The following PADI2 variants were observed in gnomAD, a reference collection of about 807,000 sequenced individuals.
The protein encoded by PADI2 is protein-arginine deiminase type-2.
In PADI2, 70 loss-of-function variants were observed where a neutral mutation model predicts 81.1. The observed-to-expected ratio is 0.86, with a 90% confidence interval of 0.71 to 1.05. The LOEUF (loss-of-function observed/expected upper bound fraction) is 1.05. PADI2 is among the 50% of genes least tolerant of loss of function. The pLI, the probability that PADI2 is intolerant of heterozygous loss-of-function variation, is 0.00. For missense variants in PADI2, 853 were observed against 889.9 expected, an observed-to-expected ratio of 0.96 and a Z score of 0.53; for synonymous variants, 338 against 358.0, an observed-to-expected ratio of 0.94 and a Z score of 0.63.
At chr1:17,104,781 G>C in intron 2 of PADI2, 97 bp downstream of exon 2, 1 of 1,061,456 alleles carries the variant, frequency 9.4e-7, no homozygotes, top group South Asian at 2.0e-5. Flanking sequence ...AATGACACAT[G>C]GCCCACGTGC....
At chr1:17,086,282 T>C (rs1472420511) in intron 7 of PADI2, among the ~76,000 whole-genome samples, 4 of 152,052 alleles carry the variant, frequency 2.6e-5, no homozygotes, top group African/African-American at 9.7e-5. Flanking sequence ...CAGGAAACAT[T>C]GCCCACAGGG....
In PADI2 at chr1:17,074,902, G is replaced by A; in HGVS notation, c.1503C>T (p.Phe501=). The A allele has an allele frequency of 6.2e-7, 1 of 1,613,402 alleles. No homozygotes were observed. The highest frequency in any genetic ancestry group is 8.5e-7 in the Non-Finnish European group (1 of 1,179,708). ...MASTSACYKL[F]REKQKDGHGE... ...CATGGCCGTCCTTCTGCTTCTCTCG[G>A]AAGAGCTTGTAGCAGGCCGAGGTGC... Residue 501 remains phenylalanine, a synonymous_variant, in exon 13 of 16, where the codon TTC becomes TTT. Coordinates refer to ENST00000375486, the MANE Select transcript of PADI2 (RefSeq NM_007365.3).
chr1:17,117,830 G>A (rs535138667), intron 1 of PADI2, among the ~76,000 whole-genome samples: 83 of 152,338 alleles, frequency 5.4e-4, no homozygotes, highest in African/African-American at 1.7e-3. Context: ...ACTCCCTAGC[G>A]GTGCCCAGTT....
At chr1:17,106,778 AGAGGAGGAG>A (rs3036927) in intron 1 of PADI2, among the ~76,000 whole-genome samples, 1 of 149,838 alleles carries the variant, frequency 6.7e-6, no homozygotes, top group African/African-American at 2.5e-5. Context: ...GAAAGATGAG[AGAGGAGGAG>A]GAGGAGGAGG....
intron 10 of PADI2, among the ~76,000 whole-genome samples, chr1:17,081,753 C>T (rs2078346153): frequency 6.6e-6 from 1 of 152,178 alleles, no homozygotes; most frequent in Admixed American, 6.6e-5. Context: ...TAAAAGGGGA[C>T]TGAGAATGGC....
intron 1 of PADI2, among the ~76,000 whole-genome samples, chr1:17,109,416 AG>A (rs1468949898): frequency 1.7e-5 from 2 of 116,020 alleles, no homozygotes; most frequent in African/African-American, 3.4e-5. Context: ...AAAAAAAAAA[AG>A]CTTGGGATAT....
intron 2 of PADI2, among the ~76,000 whole-genome samples, chr1:17,104,012 G>T (rs1931246222): frequency 6.6e-6 from 1 of 150,918 alleles, no homozygotes; most frequent in Admixed American, 6.6e-5. Flanking sequence ...GCCGGCCGCG[G>T]TGGCTCACGC....
intron 11 of PADI2, 35 bp downstream of exon 11, chr1:17,079,229 C>T: frequency 1.3e-6 from 2 of 1,594,444 alleles, no homozygotes; most frequent in Non-Finnish European, 1.7e-6. Context: ...CTTCCCCACT[C>T]CCACAGCCCC....
intron 3 of PADI2, among the ~76,000 whole-genome samples, chr1:17,102,534 C>T (rs1931178173): frequency 6.6e-6 from 1 of 152,184 alleles, no homozygotes; most frequent in African/African-American, 2.4e-5. Flanking sequence ...AGTTAAGGAC[C>T]TGGAGGCTGC....
rs1215210610 is a variant in PADI2, at chr1:17,071,500, T to C, written c.1550-9A>G. The C allele has an allele frequency of 3.1e-6, 5 of 1,610,450 alleles. No homozygotes were observed. The Admixed American group carries it at 5.0e-5, about 16-fold the overall frequency. ...GCTCATCCCACCCAAGCCTGTGGGG[T>C]TCAAAGGACAGGGGATGGTCAAGCT... On this transcript the variant is annotated splice_polypyrimidine_tract_variant and intron_variant, in intron 13 of 15. Transcript: ENST00000375486.
Position 17,079,200 on chromosome 1 carries a change from C to T in PADI2, c.1310+64G>A, listed in dbSNP as rs536276101. 8.6e-6 allele frequency: 13 copies of T among 1,506,744 alleles called. No homozygotes were observed. The East Asian group carries it at 9.1e-5, about 11-fold the overall frequency. The allele number at this position is 1,506,744 out of a possible 1,614,324, so 93.3% of individuals were successfully genotyped here. On this transcript the variant is annotated intron_variant, in intron 11 of 15. Transcript: ENST00000375486. ...TCCATGTGTGAGCAACCCAGGCCAC[C>T]CCAAAAGAGAAACAGTGACTTCCCC...
At chr1:17,114,107 C>T (rs1383109812) in intron 1 of PADI2, among the ~76,000 whole-genome samples, 4 of 152,220 alleles carry the variant, frequency 2.6e-5, no homozygotes, top group African/African-American at 4.8e-5. Flanking sequence ...CCTGACCTGG[C>T]CTGAATTCCT....
At chr1:17,096,091 G>T in intron 3 of PADI2, 121 bp from the exon 4 acceptor site, 1 of 674,442 alleles carries the variant, frequency 1.5e-6, no homozygotes, top group Non-Finnish European at 2.5e-6. Context: ...GGAAAGAGAG[G>T]ACCTCGCTGA....
intron 5 of PADI2, 123 bp from the exon 6 acceptor site, chr1:17,092,656 A>C: frequency 1.2e-6 from 1 of 864,996 alleles, no homozygotes; most frequent in Non-Finnish European, 1.7e-6. Context: ...AACTATAGAA[A>C]AGCATAAAGA....
chr1:17,084,051 T>G (rs946128440), intron 8 of PADI2, among the ~76,000 whole-genome samples: 4 of 151,994 alleles, frequency 2.6e-5, no homozygotes, highest in Non-Finnish European at 5.9e-5. Context: ...CATGAACAAA[T>G]AAAATGAGGG....
Position 17,082,568 on chromosome 1 carries a change from C to T in PADI2, c.1135G>A (p.Asp379Asn), listed in dbSNP as rs548579800. 7 of 1,612,718 alleles carry T rather than the reference C, an allele frequency of 4.3e-6. No individual in the cohort carries two copies. The African/African-American group carries it at 9.3e-5, about 22-fold the overall frequency. ...ACCAGGAGCTCCTTCACAGGGAAGT[C>T]CTTTAGGTTTCCATCTCGGGGAGAG... ...LDSPRDGNLK[D>N]FPVKELLGPD... The change falls in exon 10 of 16, where the codon GAC becomes AAC. Residue 379 changes from aspartate to asparagine, a missense_variant. Coordinates refer to ENST00000375486, the MANE Select transcript of PADI2 (RefSeq NM_007365.3).
At chr1:17,090,950 T>C (rs1376156112) in intron 6 of PADI2, among the ~76,000 whole-genome samples, 3 of 151,960 alleles carry the variant, frequency 2.0e-5, no homozygotes, top group African/African-American at 7.2e-5. Context: ...GAGGCCGAGG[T>C]TGAGGTCCTG....
intron 2 of PADI2, among the ~76,000 whole-genome samples, chr1:17,104,431 C>CTTCT (rs1931271503): frequency 1.3e-5 from 1 of 79,790 alleles, no homozygotes; most frequent in African/African-American, 4.9e-5. Flanking sequence ...TTTGCCTTTT[C>CTTCT]TTTTTTTTTT....
intron 1 of PADI2, among the ~76,000 whole-genome samples, chr1:17,113,251 CTATTATTATTATTATTAT>C (rs67222510): frequency 3.2e-4 from 47 of 148,422 alleles, no homozygotes; most frequent in Non-Finnish European, 5.8e-4. Flanking sequence ...TGAGTATTTA[CTATTATTATTATTATTAT>C]TATTATTATT....
Sources: allele counts gnomAD v4.1 joint callset (sites outside exome capture counted in the v4.1 genomes callset), GRCh38; gene constraint gnomAD v4.1.1; transcripts MANE v1.5; gene names NCBI Gene and HGNC (gene_info 2026-07-23, HGNC 2026-07-21).